The following SNRNP48 variants were observed in gnomAD, a reference collection of about 807,000 sequenced individuals.
SNRNP48 encodes U11/U12 small nuclear ribonucleoprotein 48 kDa protein.
SNRNP48 carries 43 observed loss-of-function variants against 47.0 expected under a neutral mutation model. The ratio of observed to expected loss-of-function variants is 0.92; its 90% CI spans 0.72 to 1.18. SNRNP48 has a LOEUF of 1.18. Ranked by LOEUF, SNRNP48 falls within the 50% of genes most tolerant of loss-of-function variation. The pLI, the probability that SNRNP48 is intolerant of heterozygous loss-of-function variation, is 0.00. For missense variants in SNRNP48, 396 were observed against 422.2 expected, an observed-to-expected ratio of 0.94 and a Z score of 0.54; for synonymous variants, 138 against 144.0, an observed-to-expected ratio of 0.96 and a Z score of 0.30.
chr6:7,594,798 C>T (rs1283492474), intron 3 of SNRNP48, among the ~76,000 whole-genome samples: 1 of 152,148 alleles, frequency 6.6e-6, no homozygotes, highest in Non-Finnish European at 1.5e-5. Context: ...GCTACTGCTG[C>T]GTGCCTAATT....
At chr6:7,599,368 T>A (rs1759970325) in intron 4 of SNRNP48, among the ~76,000 whole-genome samples, 1 of 152,184 alleles carries the variant, frequency 6.6e-6, no homozygotes, top group South Asian at 2.1e-4. Context: ...ACAACGTGAA[T>A]GCACTTCATG....
chr6:7,599,685 G>A (rs1260889958), intron 4 of SNRNP48: 1 of 1,284,010 alleles, frequency 7.8e-7, no homozygotes, highest in Admixed American at 2.3e-5. Context: ...ATTGGGGTGA[G>A]TATAAAGAGG....
intron 8 of SNRNP48, among the ~76,000 whole-genome samples, chr6:7,607,752 A>G (rs1333177095): frequency 6.6e-6 from 1 of 152,246 alleles, no homozygotes; most frequent in East Asian, 1.9e-4. Context: ...AGTTTTATAC[A>G]CAAAGTACTT....
chr6:7,602,527 C>A, intron 5 of SNRNP48, 96 bp from the exon 6 acceptor site: 1 of 970,394 alleles, frequency 1.0e-6, no homozygotes, highest in South Asian at 2.2e-5. Context: ...TACTTTGAAA[C>A]AAGTTAAAAT....
At chr6:7,593,327 A>G (rs988960462) in intron 1 of SNRNP48, among the ~76,000 whole-genome samples, 9 of 152,102 alleles carry the variant, frequency 5.9e-5, no homozygotes, top group Admixed American at 1.3e-4. Flanking sequence ...CAGATGGACA[A>G]TTGGAGTGTG....
intron 4 of SNRNP48, among the ~76,000 whole-genome samples, chr6:7,598,444 A>G (rs1197247126): frequency 6.6e-6 from 1 of 152,110 alleles, no homozygotes; most frequent in South Asian, 2.1e-4. Flanking sequence ...GCAGTGAGCC[A>G]AGATGGCGCC....
At chr6:7,608,227 T>A (rs1236400162) in intron 8 of SNRNP48, among the ~76,000 whole-genome samples, 1 of 152,200 alleles carries the variant, frequency 6.6e-6, no homozygotes, top group Non-Finnish European at 1.5e-5. Flanking sequence ...AAAGTGTTTT[T>A]TTTTTTAAGA....
rs1320749093 is a variant in SNRNP48 at position 7,606,124 on chromosome 6, TAGAAGCCCACATAAAAGAAAA to T, written c.905_925del (p.Ser302_Arg308del). 2 of 1,613,566 alleles carry T rather than the reference TAGAAGCCCACATAAAAGAAAA, an allele frequency of 1.2e-6. No individual in the cohort carries two copies. Among genetic ancestry groups the T allele is most frequent in the Non-Finnish European group, 1.7e-6 (2 of 1,179,900 alleles). ...GTTCACGACATAGAAGGGATAGGAGTAGAAGCCCACATAAAAGAAAAAGAAACAAAGATAAGGATAAAAACT... is the reference window on the plus strand; with the variant it reads ...GTTCACGACATAGAAGGGATAGGAGTAGAAACAAAGATAAGGATAAAAACT... On this transcript the variant is annotated inframe_deletion, in exon 8 of 9. Transcript: ENST00000342415.
chr6:7,601,993 A>G (rs1760032105), intron 5 of SNRNP48, among the ~76,000 whole-genome samples: 1 of 152,068 alleles, frequency 6.6e-6, no homozygotes, highest in Non-Finnish European at 1.5e-5. Flanking sequence ...AGCTGGGATT[A>G]CAGACATGTG....
At chr6:7,599,309 A>C (rs997309324) in intron 4 of SNRNP48, among the ~76,000 whole-genome samples, 2 of 152,200 alleles carry the variant, frequency 1.3e-5, no homozygotes, top group Non-Finnish European at 2.9e-5. Context: ...AATAGATTAG[A>C]GTTTCAATTT....
intron 4 of SNRNP48, among the ~76,000 whole-genome samples, chr6:7,598,292 C>T (rs1288225361): frequency 6.6e-6 from 1 of 151,822 alleles, no homozygotes; most frequent in Non-Finnish European, 1.5e-5. Flanking sequence ...GCCAGGAGTT[C>T]AAGACCAGCC....
rs546818992 is a variant in SNRNP48, at chr6:7,596,662, T to G, written c.406+1561T>G. Among the ~76,000 whole-genome samples, 43 of 152,364 alleles carry G rather than the reference T, an allele frequency of 2.8e-4. 1 individual carries two copies. In the South Asian group the frequency reaches 8.5e-3, roughly 30 times the overall value. On this transcript the variant is annotated intron_variant, in intron 4 of 8. Coordinates refer to ENST00000342415, the MANE Select transcript of SNRNP48 (RefSeq NM_152551.4). Reference sequence around the variant, plus strand: ...AGCACATTTCTTGTATTTTTTGTTTTGAGGTTCCCACTTTTGTCCCTGTCA... The same window carrying G: ...AGCACATTTCTTGTATTTTTTGTTTGGAGGTTCCCACTTTTGTCCCTGTCA...
rs970053052 is a variant in SNRNP48, at chr6:7,608,827, A to T, written c.974A>T (p.Asp325Val). Residue 325 changes from aspartate (D) to valine (V), a missense_variant and splice_region_variant, in exon 9 of 9, where the codon GAT becomes GTT. Asp to Val is a radical substitution (Grantham distance 152, BLOSUM62 -3). Transcript: ENST00000342415. ...NCESRRRKER[D>V]GERHHSHKRR... ...TTTTTATACCTCTTTTATTTCAGGG[A>T]TGGGGAAAGACACCATAGTCATAAA... 91 of 1,494,404 alleles carry T rather than the reference A, an allele frequency of 6.1e-5. No homozygotes were observed. Among genetic ancestry groups the T allele is most frequent in the Non-Finnish European group, 7.3e-5 (81 of 1,102,276 alleles). 92.6% of individuals were successfully genotyped at this position (1,494,404 alleles called of 1,614,324 possible).
At chr6:7,608,202 C>T (rs536355231) in intron 8 of SNRNP48, among the ~76,000 whole-genome samples, 2 of 151,952 alleles carry the variant, frequency 1.3e-5, no homozygotes, top group East Asian at 3.9e-4. Context: ...ACAAGTAAAA[C>T]ATTCATTTCG....
Position 7,605,395 on chromosome 6 carries a change from A to G in SNRNP48, c.718-3A>G. On this transcript the variant is annotated splice_polypyrimidine_tract_variant and splice_region_variant and intron_variant, in intron 6 of 8. Transcript: ENST00000342415. Reference sequence around the variant, plus strand: ...CTGAAGTTCGGTGCTTACCTCTCCCAAGGTGATTCGAGATGTGATAAATGT... The same window carrying G: ...CTGAAGTTCGGTGCTTACCTCTCCCGAGGTGATTCGAGATGTGATAAATGT... 1 of 1,613,762 alleles carries G rather than the reference A, an allele frequency of 6.2e-7. No individual in the cohort carries two copies. Among genetic ancestry groups the G allele is most frequent in the Non-Finnish European group, 8.5e-7 (1 of 1,179,792 alleles).
intron 1 of SNRNP48, 120 bp from the exon 2 acceptor site, chr6:7,593,614 G>T: frequency 2.0e-6 from 1 of 511,774 alleles, no homozygotes; most frequent in East Asian, 3.4e-5. Flanking sequence ...GTTGAGAGAG[G>T]CCTGTAGAAG....
chr6:7,599,469 A>G (rs1759973119), intron 4 of SNRNP48, among the ~76,000 whole-genome samples: 1 of 152,186 alleles, frequency 6.6e-6, no homozygotes, highest in Non-Finnish European at 1.5e-5. Context: ...ACAGGCAGCC[A>G]AAGGGTCTTA....
chr6:7,594,096 C>T lies in SNRNP48; in HGVS notation c.271-3C>T, dbSNP rs1200037556. ...TAAGAACAGTAAGATTCTTTTTTTT[C>T]AGGATGAAATGTATAATCCTGAGTT... On this transcript the variant is annotated splice_polypyrimidine_tract_variant and splice_region_variant and intron_variant, in intron 2 of 8. Transcript: ENST00000342415. 14 of 1,421,770 alleles carry T rather than the reference C, an allele frequency of 9.8e-6. No individual in the cohort carries two copies. The highest frequency in any genetic ancestry group is 4.4e-5 in the African/African-American group (3 of 68,538). 88.1% of individuals were successfully genotyped at this position (1,421,770 alleles called of 1,614,324 possible). A position where few individuals can be genotyped will look rare whatever the true frequency, so the allele number is the denominator to read the frequency against.
chr6:7,599,567 A>G, intron 4 of SNRNP48: 1 of 571,188 alleles, frequency 1.8e-6, no homozygotes, highest in Non-Finnish European at 2.6e-6. Flanking sequence ...TGTAAATGTA[A>G]GTTTATTTAA....
Sources: allele counts gnomAD v4.1 joint callset (sites outside exome capture counted in the v4.1 genomes callset), GRCh38; gene constraint gnomAD v4.1.1; transcripts MANE v1.5; gene names NCBI Gene and HGNC (gene_info 2026-07-23, HGNC 2026-07-21).